SIK3: variants seen among roughly 807,000 people sequenced by gnomAD.
SIK3 encodes serine/threonine-protein kinase SIK3.
In SIK3, 28 loss-of-function variants were observed where a neutral mutation model predicts 144.2. That is an observed-to-expected ratio of 0.19 (90% CI 0.14 to 0.27). SIK3 has a LOEUF of 0.27. Among genes scored for constraint, SIK3 ranks in the 10% least tolerant of loss-of-function variants. The pLI is 1.00. For missense variants in SIK3, 1,319 were observed against 1,776.0 expected (o/e 0.74, Z 4.62); for synonymous variants, 686 against 676.3 (o/e 1.01, Z -0.22).
intron 1 of SIK3, among the ~76,000 whole-genome samples, chr11:116,962,825 G>C (rs931169199): frequency 6.6e-6 from 1 of 151,726 alleles, no homozygotes; most frequent in Middle Eastern, 3.2e-3. Flanking sequence ...GATTACATGT[G>C]GAAATTATAA....
intron 1 of SIK3, among the ~76,000 whole-genome samples, chr11:116,984,369 C>A (rs763642639): frequency 1.3e-5 from 2 of 152,140 alleles, no homozygotes; most frequent in African/African-American, 4.8e-5. Flanking sequence ...GCCTACTAAA[C>A]GTCACAGTGG....
chr11:117,072,147 G>A (rs936565023), intron 1 of SIK3, among the ~76,000 whole-genome samples: 17 of 152,020 alleles, frequency 1.1e-4, no homozygotes, highest in African/African-American at 4.1e-4. Flanking sequence ...CAGCACTTTG[G>A]GAGGCCAAGG....
At chr11:116,878,345 G>C (rs889206394) in intron 6 of SIK3, among the ~76,000 whole-genome samples, 1 of 150,888 alleles carries the variant, frequency 6.6e-6, no homozygotes, top group Admixed American at 6.6e-5. Flanking sequence ...GAAATCTAAA[G>C]TCCTGGGCCT....
At chr11:117,074,985 T>C (rs1954446307) in intron 1 of SIK3, among the ~76,000 whole-genome samples, 3 of 151,974 alleles carry the variant, frequency 2.0e-5, no homozygotes, top group Admixed American at 6.6e-5. Flanking sequence ...TAATACATCC[T>C]TTCATTGGAA....
intron 3 of SIK3, among the ~76,000 whole-genome samples, chr11:116,941,187 C>T (rs1386418740): frequency 6.6e-6 from 1 of 151,900 alleles, no homozygotes; most frequent in Non-Finnish European, 1.5e-5. Context: ...TTTGTATTTT[C>T]GGTAGAGACG....
At chr11:116,924,572 T>C (rs1217297678) in intron 4 of SIK3, among the ~76,000 whole-genome samples, 1 of 152,164 alleles carries the variant, frequency 6.6e-6, no homozygotes, top group Non-Finnish European at 1.5e-5. Context: ...AAGCTCCCCT[T>C]TGGTCAAGGT....
Position 116,874,005 on chromosome 11 carries a change from G to T in SIK3, c.1479C>A (p.Val493=). Residue 493 remains valine, a synonymous_variant, in exon 12 of 25, where the codon GTC becomes GTA. Coordinates refer to ENST00000445177, the MANE Select transcript of SIK3 (RefSeq NM_001366686.3). ...LQKLLPGFPG[V]NPQAPFLQVA... ...CCTGCAGGAATGGAGCCTGGGGGTT[G>T]ACTCCAGGAAAGCCAGGTAGGAGCT... The T allele has an allele frequency of 6.2e-7, 1 of 1,614,128 alleles. No individual in the cohort carries two copies. The highest frequency in any genetic ancestry group is 8.5e-7 in the Non-Finnish European group (1 of 1,179,990).
At chr11:117,039,079 T>C (rs898280367) in intron 1 of SIK3, among the ~76,000 whole-genome samples, 3 of 151,906 alleles carry the variant, frequency 2.0e-5, no homozygotes, top group African/African-American at 7.3e-5. Context: ...ATATCGCACA[T>C]TCACGGAGCA....
intron 1 of SIK3, among the ~76,000 whole-genome samples, chr11:117,077,417 C>G (rs1954600171): frequency 6.6e-6 from 1 of 152,218 alleles, no homozygotes. Context: ...TACTTTAGGG[C>G]AAAAGGTTAA....
intron 1 of SIK3, among the ~76,000 whole-genome samples, chr11:116,981,396 G>A (rs2135513714): frequency 6.6e-6 from 1 of 152,320 alleles, no homozygotes; most frequent in Admixed American, 6.5e-5. Flanking sequence ...TGGGTTCCAA[G>A]AATGAGCATC....
At chr11:117,029,019 C>A (rs1268395796) in intron 1 of SIK3, among the ~76,000 whole-genome samples, 2 of 151,914 alleles carry the variant, frequency 1.3e-5, no homozygotes, top group Non-Finnish European at 2.9e-5. Context: ...AGTGATTTTC[C>A]CGCCTCAGCC....
chr11:117,084,257 T>C (rs763668151), intron 1 of SIK3, among the ~76,000 whole-genome samples: 4 of 152,140 alleles, frequency 2.6e-5, no homozygotes, highest in African/African-American at 4.8e-5. Flanking sequence ...ATTAAGTTTT[T>C]TGGTTTTTTT....
intron 6 of SIK3, among the ~76,000 whole-genome samples, chr11:116,892,535 T>C (rs894317435): frequency 1.3e-5 from 2 of 152,208 alleles, no homozygotes; most frequent in Non-Finnish European, 2.9e-5. Context: ...ATATACCTAT[T>C]AGAGTGGCCA....
At chr11:117,039,670 C>T (rs1685562943) in intron 1 of SIK3, among the ~76,000 whole-genome samples, 4 of 151,996 alleles carry the variant, frequency 2.6e-5, no homozygotes, top group Admixed American at 2.6e-4. Context: ...TTAAGTAAAA[C>T]CTATTGTATC....
At chr11:117,011,833 CA>C (rs1951273193) in intron 1 of SIK3, among the ~76,000 whole-genome samples, 1 of 152,006 alleles carries the variant, frequency 6.6e-6, no homozygotes. Flanking sequence ...TTTAATTAGG[CA>C]TGGTGGCAGT....
intron 1 of SIK3, among the ~76,000 whole-genome samples, chr11:117,047,705 G>A (rs905942756): frequency 2.0e-5 from 3 of 152,004 alleles, no homozygotes; most frequent in African/African-American, 4.8e-5. Flanking sequence ...GCACTTCGGA[G>A]GCCGAGGTGA....
intron 1 of SIK3, among the ~76,000 whole-genome samples, chr11:117,042,368 G>A (rs1272174965): frequency 6.6e-6 from 1 of 152,146 alleles, no homozygotes; most frequent in Non-Finnish European, 1.5e-5. Flanking sequence ...TAAGAAAGGA[G>A]GCACAATGGT....
intron 4 of SIK3, among the ~76,000 whole-genome samples, chr11:116,910,364 A>C (rs970779627): frequency 6.6e-6 from 1 of 152,208 alleles, no homozygotes; most frequent in Non-Finnish European, 1.5e-5. Context: ...GTATAACTGA[A>C]AGTTGACATA....
At chr11:116,869,812 G>T in intron 14 of SIK3, 1 of 285,432 alleles carries the variant, frequency 3.5e-6, no homozygotes, top group Non-Finnish European at 6.9e-6. Flanking sequence ...TCTGTCCCTG[G>T]CCCGAATCCC....
Sources: gnomAD v4.1 joint callset for allele counts (sites outside exome capture counted in the v4.1 genomes callset) on GRCh38, gnomAD v4.1.1 for gene constraint, MANE v1.5 for transcripts, NCBI Gene and HGNC (gene_info 2026-07-23, HGNC 2026-07-21) for gene names.